MYO1E: variants seen among roughly 807,000 people sequenced by gnomAD.
The protein encoded by MYO1E is unconventional myosin-Ie.
A neutral mutation model predicts 151.1 loss-of-function variants in MYO1E; 68 were observed. That is an observed-to-expected ratio of 0.45 (90% confidence interval 0.37 to 0.55). MYO1E has a LOEUF of 0.55. Ranked by LOEUF, MYO1E falls within the 20% of genes least tolerant of loss-of-function variation. MYO1E has a pLI of 0.00. For missense variants in MYO1E, 1,363 were observed against 1,389.3 expected (o/e 0.98, Z 0.30); for synonymous variants, 601 against 501.7 (o/e 1.20, Z -2.64).
At chr15:59,152,614 C>T (rs1215185920) in intron 26 of MYO1E, among the ~76,000 whole-genome samples, 1 of 152,202 alleles carries the variant, frequency 6.6e-6, no homozygotes, top group Non-Finnish European at 1.5e-5. Context: ...CAGACGCCTG[C>T]ATGCCAAGTA....
intron 11 of MYO1E, 40 bp downstream of exon 11, chr15:59,214,600 G>A (rs774330590): frequency 3.8e-5 from 57 of 1,487,266 alleles, no homozygotes; most frequent in African/African-American, 2.8e-4. Flanking sequence ...GATGAAATAC[G>A]TCACCCTCCT....
chr15:59,186,660 G>C (rs2079700203), intron 18 of MYO1E, among the ~76,000 whole-genome samples: 1 of 152,198 alleles, frequency 6.6e-6, no homozygotes, highest in African/African-American at 2.4e-5. Flanking sequence ...TGAGGTGGGA[G>C]AGAATGGCTT....
chr15:59,151,314 C>T (rs1277695140), intron 26 of MYO1E, among the ~76,000 whole-genome samples: 1 of 151,836 alleles, frequency 6.6e-6, no homozygotes, highest in Admixed American at 6.6e-5. Context: ...CCTGTAGTCC[C>T]AGCTACTCAG....
In MYO1E at chr15:59,266,730, T is replaced by C. The variant is rs530658696; in HGVS notation, c.148-5221A>G. 3.0e-3 allele frequency: 448 copies of C among 150,118 alleles called. 4 individuals carry two copies. The highest frequency in any genetic ancestry group is 4.1e-3 in the Non-Finnish European group (277 of 67,650). 9.3% of individuals were successfully genotyped at this position (150,118 alleles called of 1,614,324 possible). A position where few individuals can be genotyped will look rare whatever the true frequency, so the allele number is the denominator to read the frequency against. On this transcript the variant is annotated intron_variant, in intron 2 of 27. Coordinates refer to ENST00000288235, the MANE Select transcript of MYO1E (RefSeq NM_004998.4). ...CGGATGGAGTGCAGTGGTGTGATAT[T>C]GGCTCATTGCAAGCTCCGCCTCCCA...
chr15:59,279,384 G>C (rs2080340094), intron 1 of MYO1E, among the ~76,000 whole-genome samples: 1 of 152,200 alleles, frequency 6.6e-6, no homozygotes, highest in Non-Finnish European at 1.5e-5. Flanking sequence ...AGAAGAGAGT[G>C]TTGTTAATGA....
chr15:59,338,934 C>A (rs2140427720), intron 1 of MYO1E, among the ~76,000 whole-genome samples: 1 of 152,306 alleles, frequency 6.6e-6, no homozygotes, highest in South Asian at 2.1e-4. Flanking sequence ...GAGTTCAAAA[C>A]CAGCCTGGCC....
intron 2 of MYO1E, among the ~76,000 whole-genome samples, chr15:59,264,309 T>C (rs1387408743): frequency 1.3e-5 from 2 of 152,192 alleles, no homozygotes; most frequent in African/African-American, 4.8e-5. Context: ...ACACTATAAG[T>C]GGCAGAGCTA....
At chr15:59,337,132 T>C (rs1164443521) in intron 1 of MYO1E, among the ~76,000 whole-genome samples, 1 of 152,226 alleles carries the variant, frequency 6.6e-6, no homozygotes, top group African/African-American at 2.4e-5. Flanking sequence ...TTTCATTTGA[T>C]TCTTATGGAG....
At chr15:59,371,151 T>G (rs933971932) in intron 1 of MYO1E, among the ~76,000 whole-genome samples, 2 of 152,228 alleles carry the variant, frequency 1.3e-5, no homozygotes, top group African/African-American at 4.8e-5. Context: ...TTGAAAGGTT[T>G]CTCGTTGATG....
intron 1 of MYO1E, among the ~76,000 whole-genome samples, chr15:59,300,873 T>C (rs539845328): frequency 5.8e-4 from 86 of 147,690 alleles, no homozygotes; most frequent in Admixed American, 4.7e-3. Context: ...TTTCTTTTTT[T>C]TTTTTTTTTT....
chr15:59,311,130 A>G (rs1485436465), intron 1 of MYO1E, among the ~76,000 whole-genome samples: 21 of 152,114 alleles, frequency 1.4e-4, no homozygotes, highest in Non-Finnish European at 2.8e-4. Flanking sequence ...GTGGCCCTGG[A>G]TGTCCATCAT....
chr15:59,226,972 T>C (rs2079995500), intron 7 of MYO1E, among the ~76,000 whole-genome samples: 1 of 152,192 alleles, frequency 6.6e-6, no homozygotes, highest in Non-Finnish European at 1.5e-5. Context: ...CAAACCTATC[T>C]CAAATCTTTC....
chr15:59,319,177 G>A (rs1254089439), intron 1 of MYO1E, among the ~76,000 whole-genome samples: 1 of 152,134 alleles, frequency 6.6e-6, no homozygotes, highest in Admixed American at 6.5e-5. Context: ...CTGGCATGGT[G>A]ACAGGCACCT....
chr15:59,334,333 T>C (rs1311103448), intron 1 of MYO1E, among the ~76,000 whole-genome samples: 1 of 152,180 alleles, frequency 6.6e-6, no homozygotes, highest in African/African-American at 2.4e-5. Context: ...GGAATGTTTG[T>C]AACACAAAGA....
chr15:59,261,033 G>A, intron 3 of MYO1E, among the ~76,000 whole-genome samples: 1 of 151,940 alleles, frequency 6.6e-6, no homozygotes, highest in East Asian at 1.9e-4. Flanking sequence ...GACCAACATG[G>A]TGAAATACCG....
At chr15:59,170,585 T>G (rs1566969620) in intron 22 of MYO1E, among the ~76,000 whole-genome samples, 1 of 151,280 alleles carries the variant, frequency 6.6e-6, no homozygotes, top group African/African-American at 2.4e-5. Flanking sequence ...CGCCTAGAGC[T>G]TTAAAAAAAA....
intron 1 of MYO1E, among the ~76,000 whole-genome samples, chr15:59,281,632 C>A (rs2080353892): frequency 6.6e-6 from 1 of 152,070 alleles, no homozygotes; most frequent in East Asian, 1.9e-4. Context: ...AAACCTCAGT[C>A]ATTTTCAACT....
intron 1 of MYO1E, among the ~76,000 whole-genome samples, chr15:59,310,707 CCTAGGAAATGAATTATAGTAT>C (rs1392310452): frequency 1.3e-5 from 2 of 151,684 alleles, no homozygotes; most frequent in African/African-American, 4.8e-5. Context: ...TTAAGGCAGC[CCTAGGAAATGAATTATAGTAT>C]CTAAAGAAAG....
At chr15:59,170,582 A>C (rs1355338686) in intron 22 of MYO1E, among the ~76,000 whole-genome samples, 1 of 151,456 alleles carries the variant, frequency 6.6e-6, no homozygotes, top group Non-Finnish European at 1.5e-5. Context: ...CAGCGCCTAG[A>C]GCTTTAAAAA....
Sources: gnomAD v4.1 joint callset for allele counts (sites outside exome capture counted in the v4.1 genomes callset) on GRCh38, gnomAD v4.1.1 for gene constraint, MANE v1.5 for transcripts, NCBI Gene and HGNC (gene_info 2026-07-23, HGNC 2026-07-21) for gene names.